NOS1AP: variants seen among roughly 807,000 people sequenced by gnomAD.
NOS1AP encodes the protein carboxyl-terminal PDZ ligand of neuronal nitric oxide synthase protein.
A neutral mutation model predicts 56.2 loss-of-function variants in NOS1AP; 21 were observed. That is an observed-to-expected ratio of 0.37 (90% confidence interval 0.26 to 0.54). The LOEUF (loss-of-function observed/expected upper bound fraction) is 0.54. Ranked by LOEUF, NOS1AP falls within the 20% of genes least tolerant of loss-of-function variation. NOS1AP has a pLI of 0.84. For synonymous variants in NOS1AP, 270 were observed against 274.6 expected, an observed-to-expected ratio of 0.98 and a Z score of 0.17; for missense variants, 522 against 657.8, an observed-to-expected ratio of 0.79 and a Z score of 2.26.
chr1:162,076,951 T>C (rs958831107), intron 1 of NOS1AP, among the ~76,000 whole-genome samples: 3 of 152,364 alleles, frequency 2.0e-5, no homozygotes, highest in South Asian at 2.1e-4. Context: ...TAATATATCA[T>C]TGTATGGATA....
intron 5 of NOS1AP, 36 bp from the exon 6 acceptor site, chr1:162,343,799 C>G (rs1393063886): frequency 1.2e-6 from 2 of 1,613,622 alleles, no homozygotes; most frequent in Non-Finnish European, 1.7e-6. Flanking sequence ...CTTGCGCATC[C>G]TCACCCATCC....
At chr1:162,204,376 G>A (rs1571124864) in intron 2 of NOS1AP, among the ~76,000 whole-genome samples, 1 of 152,188 alleles carries the variant, frequency 6.6e-6, no homozygotes, top group African/African-American at 2.4e-5. Flanking sequence ...ATTTTTGTCA[G>A]TCTTTTGGTT....
chr1:162,178,900 A>C (rs540097435), intron 2 of NOS1AP, among the ~76,000 whole-genome samples: 6 of 152,274 alleles, frequency 3.9e-5, no homozygotes, highest in Middle Eastern at 6.8e-3. Flanking sequence ...TAAAAAGACT[A>C]GTTTAGTCCG....
intron 2 of NOS1AP, among the ~76,000 whole-genome samples, chr1:162,171,534 G>A (rs1650780186): frequency 6.6e-6 from 1 of 152,098 alleles, no homozygotes; most frequent in African/African-American, 2.4e-5. Flanking sequence ...GCTTCTTCCT[G>A]TGCTTTACTT....
chr1:162,190,766 CT>C (rs150893533), intron 2 of NOS1AP, among the ~76,000 whole-genome samples: 8,622 of 152,210 alleles, frequency 0.057, 566 homozygotes, highest in African/African-American at 0.16. Flanking sequence ...CCTCTTCCCC[CT>C]ACCCTTCCCA....
In NOS1AP at chr1:162,367,440, C is replaced by T. The variant is rs1393452087; in HGVS notation, c.1494C>T (p.Asp498=). ...TCCTGCAGAGGCAGGAACTGGGCGA[C>T]GGCCTGGATGATGAGATCGCCGTGT... is the stretch of plus-strand genomic sequence containing the variant. ...LNVLQRQELG[D]GLDDEIAV is the part of the protein sequence containing the mutation. Residue 498 remains aspartate, a synonymous_variant, in exon 10 of 10, where the codon GAC becomes GAT. Transcript: ENST00000361897. This position sits in a 1 kb window ranked among gnomAD's most constrained non-coding sequence, Gnocchi z 6.5. 4 of 1,573,590 alleles carry T rather than the reference C, an allele frequency of 2.5e-6. No individual in the cohort carries two copies. The East Asian group carries it at 6.9e-5, about 27-fold the overall frequency.
At chr1:162,248,890 C>T (rs966839357) in intron 2 of NOS1AP, among the ~76,000 whole-genome samples, 1 of 152,114 alleles carries the variant, frequency 6.6e-6, no homozygotes, top group Non-Finnish European at 1.5e-5. Flanking sequence ...TCCAACTCTT[C>T]TTGTTTCCTT....
At chr1:162,344,435 C>G (rs959545679) in intron 6 of NOS1AP, among the ~76,000 whole-genome samples, 4 of 151,662 alleles carry the variant, frequency 2.6e-5, no homozygotes, top group Admixed American at 1.3e-4. Flanking sequence ...TGTCTCAAGT[C>G]TGTTAATCCT....
chr1:162,200,264 T>C (rs1164725869), intron 2 of NOS1AP, among the ~76,000 whole-genome samples: 1 of 152,218 alleles, frequency 6.6e-6, no homozygotes, highest in Non-Finnish European at 1.5e-5. Context: ...TTTTCACTCC[T>C]GTGGTTTTTC....
At chr1:162,241,698 A>C (rs1653493209) in intron 2 of NOS1AP, among the ~76,000 whole-genome samples, 1 of 152,146 alleles carries the variant, frequency 6.6e-6, no homozygotes, top group Non-Finnish European at 1.5e-5. Context: ...TAATTCCCAC[A>C]CTGCCTCTAC....
chr1:162,145,207 T>G (rs1337730480), intron 1 of NOS1AP, among the ~76,000 whole-genome samples: 3 of 134,786 alleles, frequency 2.2e-5, no homozygotes, highest in East Asian at 4.3e-4. Context: ...GAAGACGTGG[T>G]GTGCAGCTGC....
At chr1:162,231,196 C>A (rs1376504158) in intron 2 of NOS1AP, among the ~76,000 whole-genome samples, 4 of 152,174 alleles carry the variant, frequency 2.6e-5, no homozygotes, top group Non-Finnish European at 5.9e-5. Context: ...TGTAAAGTGG[C>A]ATCTCCTTAT....
chr1:162,182,393 A>G (rs1651292403), intron 2 of NOS1AP, among the ~76,000 whole-genome samples: 2 of 152,240 alleles, frequency 1.3e-5, no homozygotes, highest in African/African-American at 4.8e-5. Flanking sequence ...CCAAGTGCAT[A>G]TAAAAACAAG....
chr1:162,092,233 A>G (rs1692152165), intron 1 of NOS1AP, among the ~76,000 whole-genome samples: 1 of 152,160 alleles, frequency 6.6e-6, no homozygotes, highest in Non-Finnish European at 1.5e-5. Context: ...GTATTCATTC[A>G]TTCTTTTGTT....
Position 162,081,775 on chromosome 1 carries a change from T to TA in NOS1AP, c.105+11493_105+11494insA, listed in dbSNP as rs1553254645. Among the ~76,000 whole-genome samples the TA allele has an allele frequency of 4.6e-4, 9 of 19,512 alleles. 1 individual carries two copies. Among genetic ancestry groups the TA allele is most frequent in the Non-Finnish European group, 1.6e-3 (8 of 5,016 alleles). The allele number at this position is 19,512 out of a possible 152,430, so 12.8% of individuals were successfully genotyped here. A position where few individuals can be genotyped will look rare whatever the true frequency, so the allele number is the denominator to read the frequency against. On this transcript the variant is annotated intron_variant, in intron 1 of 9. Transcript: ENST00000361897. The stretch of plus-strand genomic sequence containing the variant: ...CTATAGATATATATATATATATATA[T>TA]TTTTTTTTTGTAGAGATGGGTTTTC...
intron 1 of NOS1AP, among the ~76,000 whole-genome samples, chr1:162,117,123 T>C (rs776573714): frequency 2.6e-5 from 4 of 152,208 alleles, no homozygotes; most frequent in Non-Finnish European, 5.9e-5. Context: ...CATTAATCAA[T>C]TTACTAGGAC....
intron 6 of NOS1AP, among the ~76,000 whole-genome samples, chr1:162,352,276 C>A (rs1241287890): frequency 6.6e-6 from 1 of 152,108 alleles, no homozygotes; most frequent in African/African-American, 2.4e-5. Context: ...CCAGGCTTGT[C>A]CCAAACTCCT....
chr1:162,316,681 G>T (rs377376140), intron 4 of NOS1AP, among the ~76,000 whole-genome samples: 1 of 152,194 alleles, frequency 6.6e-6, no homozygotes, highest in African/African-American at 2.4e-5. Context: ...TTTTGGGATA[G>T]GCAGTGGAGT....
intron 3 of NOS1AP, among the ~76,000 whole-genome samples, chr1:162,294,687 G>A (rs1275460614): frequency 1.3e-5 from 2 of 152,180 alleles, no homozygotes; most frequent in African/African-American, 2.4e-5. Flanking sequence ...AGAGAGACAG[G>A]TTAATAAACT....
Sources: allele counts gnomAD v4.1 joint callset (sites outside exome capture counted in the v4.1 genomes callset), GRCh38; gene constraint gnomAD v4.1.1; non-coding constraint Gnocchi (gnomAD v3.1); transcripts MANE v1.5; gene names NCBI Gene and HGNC (gene_info 2026-07-23, HGNC 2026-07-21).